The following ZNF599 variants were observed in gnomAD, a reference collection of about 807,000 sequenced individuals.
ZNF599 encodes the protein zinc finger protein 599.
A neutral mutation model predicts 11.7 loss-of-function variants in ZNF599; 10 were observed. The ratio of observed to expected loss-of-function variants is 0.86; its 90% CI spans 0.53 to 1.45. The LOEUF is 1.45. Ranked by LOEUF, ZNF599 falls within the 40% of genes most tolerant of loss-of-function variation. ZNF599 has a pLI of 0.00. For synonymous variants in ZNF599, 232 were observed against 253.2 expected (o/e 0.92, Z 0.79); for missense variants, 688 against 713.6 (o/e 0.96, Z 0.41).
At chr19:34,790,448 A>G in the ZNF599 span, among the ~76,000 whole-genome samples, 1 of 152,324 alleles carries the variant, frequency 6.6e-6, no homozygotes, top group African/African-American at 2.4e-5. Context: ...AAAGGGGGGA[A>G]ATTCTGTCAT....
At chr19:34,761,907 T>A (rs546375030) in intron 3 of ZNF599, among the ~76,000 whole-genome samples, 1 of 151,326 alleles carries the variant, frequency 6.6e-6, no homozygotes, top group East Asian at 1.9e-4. Flanking sequence ...ATGAAAAGAG[T>A]AGTCAATTTG....
chr19:34,793,493 T>A, the ZNF599 span, among the ~76,000 whole-genome samples: 1 of 152,232 alleles, frequency 6.6e-6, no homozygotes, highest in South Asian at 2.1e-4. Context: ...AAGGGAATCT[T>A]GTATTGCTTA....
intron 3 of ZNF599, 131 bp downstream of exon 3, chr19:34,767,185 G>A (rs2069149585): frequency 1.6e-6 from 1 of 641,044 alleles, no homozygotes; most frequent in Non-Finnish European, 2.8e-6. Context: ...GGAAGACGGG[G>A]GACCATGGGG....
chr19:34,794,656 C>T, the ZNF599 span, among the ~76,000 whole-genome samples: 1 of 151,852 alleles, frequency 6.6e-6, no homozygotes, highest in Admixed American at 6.6e-5. Flanking sequence ...CTGCAACCTC[C>T]ACCTCCCAGG....
rs1395568994 is a variant in ZNF599 at position 34,758,777 on chromosome 19, C to G, written c.*257G>C. 1.9e-5 allele frequency: 7 copies of G among 359,278 alleles called. No individual in the cohort carries two copies. The highest frequency in any genetic ancestry group is 1.3e-4 in the African/African-American group (6 of 47,978). 22.3% of individuals were successfully genotyped at this position (359,278 alleles called of 1,614,324 possible). Reference sequence around the variant, plus strand: ...GCATGTTAACCACCAGGTCTCTCCCCTCGATTATTCTCAGGTACAGTGTAA... The same window carrying G: ...GCATGTTAACCACCAGGTCTCTCCCGTCGATTATTCTCAGGTACAGTGTAA... On this transcript the variant is annotated 3_prime_UTR_variant, in exon 4 of 4. Coordinates refer to ENST00000329285, the MANE Select transcript of ZNF599 (RefSeq NM_001007248.3).
the ZNF599 span, among the ~76,000 whole-genome samples, chr19:34,796,802 T>C: frequency 6.6e-6 from 1 of 152,218 alleles, no homozygotes; most frequent in Non-Finnish European, 1.5e-5. Flanking sequence ...GGGCCTCCCA[T>C]AGTTCATTTC....
At chr19:34,780,808 AAG>A in the ZNF599 span, among the ~76,000 whole-genome samples, 285 of 151,896 alleles carry the variant, frequency 1.9e-3, no homozygotes, top group African/African-American at 6.5e-3. Context: ...AGAGGAAAGA[AAG>A]AGAAAGAAAG....
At chr19:34,774,069 C>G (rs1313795713), upstream of ZNF599, among the ~76,000 whole-genome samples, 1 of 152,152 alleles carries the variant, frequency 6.6e-6, no homozygotes, top group Non-Finnish European at 1.5e-5. Context: ...TTGGCGTATG[C>G]ATCTTTTTAA....
chr19:34,800,968 C>T, the ZNF599 span, among the ~76,000 whole-genome samples: 15 of 152,182 alleles, frequency 9.9e-5, no homozygotes, highest in African/African-American at 3.1e-4. Context: ...ATGTTGTTTA[C>T]GTTTTTCCAA....
the ZNF599 span, among the ~76,000 whole-genome samples, chr19:34,798,457 C>A: frequency 6.6e-6 from 1 of 152,298 alleles, no homozygotes; most frequent in South Asian, 2.1e-4. Flanking sequence ...CCTCCCCTTG[C>A]TAATCTATAA....
chr19:34,773,694 G>T (rs1232463541), upstream of ZNF599, among the ~76,000 whole-genome samples: 1 of 138,952 alleles, frequency 7.2e-6, no homozygotes, highest in Non-Finnish European at 1.7e-5. Context: ...CACTGAATCA[G>T]GTACTCTGGG....
chr19:34,800,947 T>A, the ZNF599 span, among the ~76,000 whole-genome samples: 1 of 152,198 alleles, frequency 6.6e-6, no homozygotes, highest in African/African-American at 2.4e-5. Flanking sequence ...ATATTACCCA[T>A]CTGTTCTTAA....
the ZNF599 span, among the ~76,000 whole-genome samples, chr19:34,778,847 A>G: frequency 1.3e-5 from 2 of 152,240 alleles, no homozygotes; most frequent in African/African-American, 4.8e-5. Flanking sequence ...TATCTACCCA[A>G]CCAACATTCA....
rs1001444018 is a variant in ZNF599 at position 34,767,329 on chromosome 19, T to C, written c.228A>G (p.Gln76=). 3 of 1,613,860 alleles carry C rather than the reference T, an allele frequency of 1.9e-6. No individual in the cohort carries two copies. The highest frequency in any genetic ancestry group is 3.3e-5 in the Admixed American group (2 of 59,992). The change falls in exon 3 of 4, where the codon CAA becomes CAG. Residue 76 remains glutamine (Q), a synonymous_variant. Transcript: ENST00000329285. ...TCAGTCACCAACCTGCGCAGGTGCT[T>C]TGGGAGAGGCCTCTCTTCACTGTCC... is the stretch of plus-strand genomic sequence containing the variant. ...ELWTVKRGLS[Q]STCAGEKAKP...
At chr19:34,782,424 A>T in the ZNF599 span, among the ~76,000 whole-genome samples, 1 of 152,240 alleles carries the variant, frequency 6.6e-6, no homozygotes, top group African/African-American at 2.4e-5. Flanking sequence ...ATGCCAGCCA[A>T]AAAAGGGGAC....
chr19:34,780,966 C>T, the ZNF599 span, among the ~76,000 whole-genome samples: 1 of 151,960 alleles, frequency 6.6e-6, no homozygotes, highest in Admixed American at 6.6e-5. Context: ...ACCATCGTGG[C>T]TAACACGATG....
At chr19:34,797,262 C>T in the ZNF599 span, among the ~76,000 whole-genome samples, 192 of 152,126 alleles carry the variant, frequency 1.3e-3, no homozygotes, top group African/African-American at 4.1e-3. Context: ...TGAATAGTGC[C>T]GCAATAAACA....
At chr19:34,768,942 C>T (rs114133331) in intron 2 of ZNF599, among the ~76,000 whole-genome samples, 1,719 of 152,348 alleles carry the variant, frequency 0.011, 29 homozygotes, top group African/African-American at 0.04. Context: ...GAGCAAGGCA[C>T]AGGCCTTAGG....
At chr19:34,796,320 T>A in the ZNF599 span, among the ~76,000 whole-genome samples, 1 of 151,754 alleles carries the variant, frequency 6.6e-6, no homozygotes, top group East Asian at 1.9e-4. Context: ...CTTCAATTTT[T>A]TTTTTTTTTT....
Sources: gnomAD v4.1 joint callset for allele counts (sites outside exome capture counted in the v4.1 genomes callset) on GRCh38, gnomAD v4.1.1 for gene constraint, MANE v1.5 for transcripts, NCBI Gene and HGNC (gene_info 2026-07-23, HGNC 2026-07-21) for gene names.